RIMS1: variants seen among roughly 807,000 people sequenced by gnomAD.
RIMS1 encodes the protein regulating synaptic membrane exocytosis 1.
A neutral mutation model predicts 214.1 loss-of-function variants in RIMS1; 83 were observed. The observed-to-expected ratio is 0.39, with a 90% confidence interval of 0.32 to 0.47. RIMS1 has a LOEUF of 0.47. Ranked by LOEUF, RIMS1 falls within the 20% of genes least tolerant of loss-of-function variation. The pLI is 0.99. For missense variants in RIMS1, 2,050 were observed against 2,161.8 expected (o/e 0.95, Z 1.03); for synonymous variants, 793 against 786.8 (o/e 1.01, Z -0.13).
At chr6:72,305,050 C>A (rs1324623530) in intron 26 of RIMS1, among the ~76,000 whole-genome samples, 2 of 151,794 alleles carry the variant, frequency 1.3e-5, no homozygotes, top group African/African-American at 2.4e-5. Context: ...AAAATGAAAT[C>A]ATTTAGAACC....
intron 11 of RIMS1, among the ~76,000 whole-genome samples, chr6:72,247,202 G>A (rs1353520774): frequency 6.6e-6 from 1 of 152,132 alleles, no homozygotes; most frequent in Non-Finnish European, 1.5e-5. Flanking sequence ...CCTCCTCCAT[G>A]TGAAGTTGAA....
intron 19 of RIMS1, 92 bp from the exon 20 acceptor site, chr6:72,264,883 C>A: frequency 1.4e-6 from 1 of 739,302 alleles, no homozygotes; most frequent in Non-Finnish European, 2.3e-6. Context: ...ATCTATATAG[C>A]TTTATAGGCC....
chr6:72,302,638 C>T lies in RIMS1; in HGVS notation c.3851-4620C>T, dbSNP rs1336374934. 3.3e-5 allele frequency among the ~76,000 whole-genome samples: 5 copies of T among 151,540 alleles called. No homozygotes were observed. In the East Asian group the frequency reaches 9.7e-4, roughly 29 times the overall value. On this transcript the variant is annotated intron_variant, in intron 26 of 33. Transcript: ENST00000521978. The stretch of plus-strand genomic sequence containing the variant: ...GTACTGGAACAAGAATGGGACTGCA[C>T]TATCATGGAGCTCTCATTGTGTTGC...
At chr6:72,281,076 C>A (rs551302591) in intron 23 of RIMS1, among the ~76,000 whole-genome samples, 20 of 152,192 alleles carry the variant, frequency 1.3e-4, no homozygotes, top group African/African-American at 4.6e-4. Flanking sequence ...AGATTACACC[C>A]AGTTCATTAT....
chr6:72,357,680 CA>C (rs1282349524), intron 29 of RIMS1, among the ~76,000 whole-genome samples: 1 of 152,166 alleles, frequency 6.6e-6, no homozygotes, highest in African/African-American at 2.4e-5. Flanking sequence ...TTGTTTTTCA[CA>C]ACAGTGACTT....
chr6:72,247,131 C>T (rs942536876), intron 11 of RIMS1, among the ~76,000 whole-genome samples: 1 of 152,122 alleles, frequency 6.6e-6, no homozygotes, highest in Non-Finnish European at 1.5e-5. Context: ...GTATTGCTCT[C>T]TGTGTCAGGG....
intron 1 of RIMS1, among the ~76,000 whole-genome samples, chr6:71,933,259 C>G (rs1276292177): frequency 6.6e-6 from 1 of 151,994 alleles, no homozygotes; most frequent in East Asian, 1.9e-4. Flanking sequence ...CTGAGGTATC[C>G]TCTCATGTAC....
At position 72,278,913 on chromosome 6, in the gene RIMS1, G is replaced by A. The variant is rs2088358465; in HGVS notation, c.3482+4481G>A. 2.6e-5 allele frequency among the ~76,000 whole-genome samples: 4 copies of A among 152,040 alleles called. No individual in the cohort carries two copies. The South Asian group carries it at 8.3e-4, about 31-fold the overall frequency. ...TGCACATTAAGACAGTATAAGCCATGTAAGTAGTAAGCCAAAATATAGACA... is the reference window on the plus strand; with the variant it reads ...TGCACATTAAGACAGTATAAGCCATATAAGTAGTAAGCCAAAATATAGACA... On this transcript the variant is annotated intron_variant, in intron 23 of 33. Transcript: ENST00000521978.
At chr6:72,330,553 C>G (rs893555972) in intron 28 of RIMS1, among the ~76,000 whole-genome samples, 1 of 151,616 alleles carries the variant, frequency 6.6e-6, no homozygotes, top group Non-Finnish European at 1.5e-5. Flanking sequence ...TATGAAATAT[C>G]AGAATCCCAA....
chr6:72,346,586 A>G (rs945701748), intron 29 of RIMS1, among the ~76,000 whole-genome samples: 1 of 151,754 alleles, frequency 6.6e-6, no homozygotes, highest in African/African-American at 2.4e-5. Context: ...TCTTTTTGCC[A>G]GTTCCCTCCC....
chr6:72,247,005 C>A (rs1032513574), intron 11 of RIMS1, among the ~76,000 whole-genome samples: 1 of 152,096 alleles, frequency 6.6e-6, no homozygotes, highest in African/African-American at 2.4e-5. Flanking sequence ...GTGCGGATTG[C>A]ACATACTCAG....
At chr6:72,345,440 A>C (rs2097227426) in intron 29 of RIMS1, among the ~76,000 whole-genome samples, 1 of 143,784 alleles carries the variant, frequency 7.0e-6, no homozygotes, top group African/African-American at 2.4e-5. Context: ...TAATTCCTTC[A>C]ATTCACAAAA....
chr6:71,960,660 A>G (rs1250691339), intron 1 of RIMS1, among the ~76,000 whole-genome samples: 3 of 152,084 alleles, frequency 2.0e-5, no homozygotes, highest in Admixed American at 6.6e-5. Context: ...CTCTCTAATT[A>G]CTGTAGATTG....
intron 1 of RIMS1, among the ~76,000 whole-genome samples, chr6:71,956,572 C>T (rs1471175620): frequency 2.0e-5 from 3 of 152,096 alleles, no homozygotes; most frequent in Admixed American, 2.0e-4. Flanking sequence ...TGGAATCAAA[C>T]TGATGCAGTA....
At chr6:71,914,541 T>C (rs1777793521) in intron 1 of RIMS1, among the ~76,000 whole-genome samples, 1 of 152,172 alleles carries the variant, frequency 6.6e-6, no homozygotes, top group East Asian at 1.9e-4. Flanking sequence ...CAAGTTATTC[T>C]TAGATGTTTA....
In RIMS1 at chr6:72,266,006, T is replaced by G; in HGVS notation, c.3355T>G (p.Cys1119Gly). ...LDRARSASTN[C>G]LRPDTSLHSP... ...CAGGGCTAGGAGTGCTAGTACCAAC[T>G]GCTTGAGACCAGATACTAGTTTGCA... The change falls in exon 22 of 34, where the codon TGC becomes GGC. Residue 1119 changes from cysteine (C) to glycine (G), a missense_variant. By Grantham distance (159) the Cys-to-Gly change is radical. Coordinates refer to ENST00000521978, the MANE Select transcript of RIMS1 (RefSeq NM_014989.7). 6.3e-7 allele frequency: 1 copy of G among 1,585,536 alleles called. No homozygotes were observed. Among genetic ancestry groups the G allele is most frequent in the Admixed American group, 1.8e-5 (1 of 56,148 alleles).
chr6:72,298,383 AAACTT>A (rs1303952477), intron 26 of RIMS1, among the ~76,000 whole-genome samples: 2 of 151,958 alleles, frequency 1.3e-5, no homozygotes, highest in Non-Finnish European at 2.9e-5. Flanking sequence ...GTTAGGTTAA[AAACTT>A]GGCCCCTTAT....
At chr6:72,072,320 C>G (rs1340265044) in intron 2 of RIMS1, among the ~76,000 whole-genome samples, 1 of 152,208 alleles carries the variant, frequency 6.6e-6, no homozygotes, top group African/African-American at 2.4e-5. Flanking sequence ...GATATGGCTT[C>G]CAGGAGACAA....
chr6:72,273,346 A>G (rs1334581243), intron 22 of RIMS1, among the ~76,000 whole-genome samples: 1 of 152,126 alleles, frequency 6.6e-6, no homozygotes. Flanking sequence ...GTCCTTTAAG[A>G]CTATCCAGTT....
Sources: gnomAD v4.1 joint callset for allele counts (sites outside exome capture counted in the v4.1 genomes callset) on GRCh38, gnomAD v4.1.1 for gene constraint, MANE v1.5 for transcripts, NCBI Gene and HGNC (gene_info 2026-07-23, HGNC 2026-07-21) for gene names.